Variants in SPTAN1 observed in about 807,000 individuals in gnomAD.
The protein encoded by SPTAN1 is spectrin alpha chain, non-erythrocytic 1.
In SPTAN1, 61 loss-of-function variants were observed where a neutral mutation model predicts 331.3. The observed-to-expected ratio is 0.18, with a 90% confidence interval of 0.15 to 0.23. The LOEUF is 0.23. SPTAN1 is among the 10% of genes least tolerant of loss of function. SPTAN1 has a pLI of 1.00. For missense variants in SPTAN1, 2,043 were observed against 3,147.9 expected, an observed-to-expected ratio of 0.65 and a Z score of 8.40; for synonymous variants, 1,153 against 1,173.9, an observed-to-expected ratio of 0.98 and a Z score of 0.36.
chr9:128,616,452 A>C (rs1857179894), intron 41 of SPTAN1, among the ~76,000 whole-genome samples: 1 of 151,234 alleles, frequency 6.6e-6, no homozygotes, highest in Admixed American at 6.6e-5. Context: ...TAAGGAATTA[A>C]GAGAGAGGAT....
intron 27 of SPTAN1, among the ~76,000 whole-genome samples, chr9:128,602,938 A>G (rs549701686): frequency 6.6e-6 from 1 of 152,292 alleles, no homozygotes; most frequent in South Asian, 2.1e-4. Context: ...GCCTAGCCCT[A>G]AGGGACTTTA....
rs1356678215 is a variant in SPTAN1, at chr9:128,633,285, C to A, written c.7385C>A (p.Pro2462His). 1.9e-6 allele frequency: 3 copies of A among 1,613,922 alleles called. No homozygotes were observed. Among genetic ancestry groups the A allele is most frequent in the Admixed American group, 1.7e-5 (1 of 59,990 alleles). ...PYVDGKGRELPTAFDYVEFTR... is the reference protein window; with the variant it reads ...PYVDGKGRELHTAFDYVEFTR... ...GTGGACGGCAAGGGCCGCGAGCTCC[C>A]CACCGCGTTCGACTACGTGGAGTTC... Residue 2462 changes from proline (P) to histidine (H), a missense_variant, in exon 57 of 57, where the codon CCC (proline) becomes CAC (histidine). Pro to His is a moderately conservative substitution (Grantham distance 77). This residue lies in a region of SPTAN1 where 88 missense variants were observed against 96.5 expected (regional missense o/e 0.91). Coordinates refer to ENST00000372739, the MANE Select transcript of SPTAN1 (RefSeq NM_001130438.3).
At chr9:128,613,678 G>T (rs1035872900) in intron 40 of SPTAN1, among the ~76,000 whole-genome samples, 193 bp downstream of exon 40, 1 of 152,130 alleles carries the variant, frequency 6.6e-6, no homozygotes, top group African/African-American at 2.4e-5. Context: ...TATTATGTAG[G>T]TTTTATCAAT....
chr9:128,561,015 C>CAA (rs10648319), intron 1 of SPTAN1, among the ~76,000 whole-genome samples: 44,259 of 60,380 alleles, frequency 0.73, 17,571 homozygotes, highest in Non-Finnish European at 0.86. Flanking sequence ...GACCCCATCT[C>CAA]AAAAAAAAAA....
intron 14 of SPTAN1, 96 bp downstream of exon 14, chr9:128,582,945 C>T (rs763209520): frequency 6.3e-7 from 1 of 1,586,230 alleles, no homozygotes; most frequent in Non-Finnish European, 8.6e-7. Context: ...ATAAGGGATT[C>T]CAGAAACCCC....
rs780184944 is a variant in SPTAN1, at chr9:128,604,339, G to A, written c.3641G>A (p.Arg1214His). The A allele has an allele frequency of 3.1e-6, 5 of 1,613,986 alleles. No homozygotes were observed. The Admixed American group carries it at 5.0e-5, about 16-fold the overall frequency. Residue 1214 changes from arginine (R) to histidine (H), a missense_variant, in exon 29 of 57, where the codon CGC (arginine) becomes CAC (histidine). By Grantham distance (29) the Arg-to-His change is conservative. Coordinates refer to ENST00000372739, the MANE Select transcript of SPTAN1 (RefSeq NM_001130438.3). Reference protein sequence around the residue: ...TFNSIKELNERWRSLQQLAEE... With the variant: ...TFNSIKELNEHWRSLQQLAEE... ...GCTGTCCTGCAGGAGCTGAATGAGCGCTGGCGGTCCCTACAGCAGCTGGCC... is the reference window on the plus strand; with the variant it reads ...GCTGTCCTGCAGGAGCTGAATGAGCACTGGCGGTCCCTACAGCAGCTGGCC...
chr9:128,572,212 G>A (rs1258829998), intron 3 of SPTAN1, among the ~76,000 whole-genome samples: 1 of 152,128 alleles, frequency 6.6e-6, no homozygotes, highest in East Asian at 1.9e-4. Context: ...TTTGCTTAAT[G>A]TTTCCACCAT....
intron 45 of SPTAN1, 110 bp from the exon 46 acceptor site, chr9:128,624,216 CAG>C (rs1858388029): frequency 8.0e-7 from 1 of 1,250,884 alleles, no homozygotes; most frequent in Non-Finnish European, 1.1e-6. Context: ...CAGCAGTGGA[CAG>C]GGGAGCAAGT....
intron 27 of SPTAN1, among the ~76,000 whole-genome samples, chr9:128,600,551 A>G (rs1854976650): frequency 6.6e-6 from 1 of 152,218 alleles, no homozygotes; most frequent in Non-Finnish European, 1.5e-5. Context: ...AAAGGGAGGA[A>G]TGAGATGTTT....
intron 3 of SPTAN1, among the ~76,000 whole-genome samples, chr9:128,573,285 C>T (rs1850934222): frequency 6.6e-6 from 1 of 152,162 alleles, no homozygotes; most frequent in Non-Finnish European, 1.5e-5. Flanking sequence ...TATGAGAACC[C>T]AAAGATGCTG....
In SPTAN1 at chr9:128,578,188, G is replaced by A. The variant is rs920307722; in HGVS notation, c.1164G>A (p.Glu388=). The A allele has an allele frequency of 1.9e-6, 3 of 1,614,054 alleles. No homozygotes were observed. The African/African-American group carries it at 4.0e-5, about 22-fold the overall frequency. ...TGAAAGCCCTCATCAATGCAGATGAGCTTGCCAGTGATGTGGCTGGGGCTG... is the reference window on the plus strand; with the variant it reads ...TGAAAGCCCTCATCAATGCAGATGAACTTGCCAGTGATGTGGCTGGGGCTG... ...TEMKALINAD[E]LASDVAGAEA... Residue 388 remains glutamate, a synonymous_variant, in exon 9 of 57, where the codon GAG becomes GAA. Transcript: ENST00000372739.
At chr9:128,600,175 C>T in intron 27 of SPTAN1, 60 bp downstream of exon 27, 2 of 1,555,574 alleles carry the variant, frequency 1.3e-6, no homozygotes, top group Non-Finnish European at 1.8e-6. Context: ...GAAATATGTC[C>T]TTTTCTGGTG....
Position 128,626,567 on chromosome 9 carries a change from C to A in SPTAN1, c.6456C>A (p.Phe2152Leu). Reference sequence around the variant, plus strand: ...CCCTCAGCTCTGCCCAGGCTGACTTCAACCAGCTGGCCGAGCTGGACCGCC... The same window carrying A: ...CCCTCAGCTCTGCCCAGGCTGACTTAAACCAGCTGGCCGAGCTGGACCGCC... The part of the protein sequence containing the change: ...RSSLSSAQAD[F>L]NQLAELDRQI... The change falls in exon 49 of 57, where the codon TTC becomes TTA. Residue 2152 changes from phenylalanine to leucine, a missense_variant. Around this residue, in one of 12 missense-constraint regions of SPTAN1, gnomAD observed 256 missense variants for 376.4 expected, o/e 0.68. Transcript: ENST00000372739. 1 of 1,614,046 alleles carries A rather than the reference C, an allele frequency of 6.2e-7. No homozygotes were observed. The highest frequency in any genetic ancestry group is 1.6e-4 in the Middle Eastern group (1 of 6,062).
In SPTAN1 at chr9:128,584,862, T is replaced by C. The variant is rs2131171763; in HGVS notation, c.2560+19T>C. 1 of 1,614,156 alleles carries C rather than the reference T, an allele frequency of 6.2e-7. No individual in the cohort carries two copies. The highest frequency in any genetic ancestry group is 8.5e-7 in the Non-Finnish European group (1 of 1,180,004). ...GAGGAAGGTGAGTGATTGGTATCAG[T>C]GACATGGCTTGGTGCTGCTCCTCGT... is the stretch of plus-strand genomic sequence containing the variant. On this transcript the variant is annotated intron_variant, in intron 18 of 56. Coordinates refer to ENST00000372739, the MANE Select transcript of SPTAN1 (RefSeq NM_001130438.3).
intron 3 of SPTAN1, among the ~76,000 whole-genome samples, chr9:128,571,581 G>A (rs535207456): frequency 6.6e-6 from 1 of 152,176 alleles, no homozygotes; most frequent in East Asian, 1.9e-4. Context: ...GCGAAATTCT[G>A]TCTGAAAAAA....
intron 2 of SPTAN1, among the ~76,000 whole-genome samples, chr9:128,568,074 A>G (rs116997688): frequency 1.3e-3 from 197 of 152,304 alleles, no homozygotes; most frequent in East Asian, 9.8e-3. Context: ...AACTTTTTTT[A>G]TAAAAAGGGA....
chr9:128,608,465 GA>G (rs955144305), intron 34 of SPTAN1, among the ~76,000 whole-genome samples, 189 bp downstream of exon 34: 6 of 151,068 alleles, frequency 4.0e-5, no homozygotes, highest in South Asian at 4.2e-4. Context: ...GGTGCCACAG[GA>G]AAAAAAAATA....
Position 128,612,324 on chromosome 9 carries a change from A to C in SPTAN1, c.5043+78A>C, listed in dbSNP as rs945688049. The C allele has an allele frequency of 7.5e-6, 12 of 1,591,996 alleles. No individual in the cohort carries two copies. The African/African-American group carries it at 1.6e-4, about 21-fold the overall frequency. On this transcript the variant is annotated intron_variant, in intron 39 of 56. Transcript: ENST00000372739. ...CACAGTGGGTCCATCAGTGCCCAAA[A>C]CCACGAAAAGGCAGGGCTCACCAGA...
At chr9:128,632,517 G>A in intron 54 of SPTAN1, 33 bp downstream of exon 54, 1 of 1,614,144 alleles carries the variant, frequency 6.2e-7, no homozygotes, top group Non-Finnish European at 8.5e-7. Flanking sequence ...TGGCTGGGTG[G>A]GGGGTGTTCG....
Sources: gnomAD v4.1 joint callset for allele counts (sites outside exome capture counted in the v4.1 genomes callset) on GRCh38, gnomAD v4.1.1 for gene constraint, gnomAD v4.1.1 regional missense constraint, MANE v1.5 for transcripts, NCBI Gene and HGNC (gene_info 2026-07-23, HGNC 2026-07-21) for gene names.